The following ILRUN variants were observed in gnomAD, a reference collection of about 807,000 sequenced individuals.
ILRUN encodes the protein inflammation and lipid regulator with UBA-like and NBR1-like domains.
ILRUN carries 3 observed loss-of-function variants against 33.8 expected under a neutral mutation model. The observed-to-expected ratio is 0.09, with a 90% confidence interval of 0.04 to 0.23. The LOEUF is 0.23. Among genes scored for constraint, ILRUN ranks in the 10% least tolerant of loss-of-function variants. ILRUN has a pLI of 1.00. For synonymous variants in ILRUN, 124 were observed against 138.9 expected, an observed-to-expected ratio of 0.89 and a Z score of 0.75; for missense variants, 210 against 375.1, an observed-to-expected ratio of 0.56 and a Z score of 3.64.
At chr6:34,688,909 C>A (rs1763586478) in intron 1 of ILRUN, among the ~76,000 whole-genome samples, 1 of 152,036 alleles carries the variant, frequency 6.6e-6, no homozygotes, top group Non-Finnish European at 1.5e-5. Flanking sequence ...TACAGCGAGC[C>A]AAGATCACGT....
At chr6:34,651,724 C>T (rs1318204017) in intron 2 of ILRUN, among the ~76,000 whole-genome samples, 2 of 131,178 alleles carry the variant, frequency 1.5e-5, no homozygotes, top group Non-Finnish European at 3.1e-5. Context: ...TCCAAACAAA[C>T]CTCATTTATT....
At chr6:34,596,249 T>C (rs1046710040) in intron 4 of ILRUN, among the ~76,000 whole-genome samples, 6 of 152,210 alleles carry the variant, frequency 3.9e-5, no homozygotes, top group Non-Finnish European at 5.9e-5. Flanking sequence ...CCCGTCAGCA[T>C]GAGAGAAGGA....
intron 4 of ILRUN, among the ~76,000 whole-genome samples, chr6:34,594,495 T>TA (rs1561994354): frequency 6.6e-6 from 1 of 152,218 alleles, no homozygotes; most frequent in Non-Finnish European, 1.5e-5. Flanking sequence ...ATACACCACT[T>TA]ACACAGAAAT....
intron 2 of ILRUN, among the ~76,000 whole-genome samples, chr6:34,647,467 C>A (rs1022921855): frequency 6.6e-6 from 1 of 152,108 alleles, no homozygotes; most frequent in Non-Finnish European, 1.5e-5. Context: ...GTCGCAGGAA[C>A]AATGGCACTA....
chr6:34,636,178 T>G (rs891306990), intron 3 of ILRUN, among the ~76,000 whole-genome samples: 2 of 151,572 alleles, frequency 1.3e-5, no homozygotes, highest in East Asian at 1.9e-4. Flanking sequence ...AGCCCAAGAG[T>G]TCAAGGCTAC....
intron 3 of ILRUN, among the ~76,000 whole-genome samples, chr6:34,641,286 C>G (rs1253122281): frequency 1.3e-5 from 2 of 152,094 alleles, no homozygotes; most frequent in Non-Finnish European, 2.9e-5. Flanking sequence ...GCCGAGTGAG[C>G]CAATCATGGT....
At chr6:34,607,060 T>C (rs531617522) in intron 3 of ILRUN, among the ~76,000 whole-genome samples, 156 bp from the exon 4 acceptor site, 2 of 152,342 alleles carry the variant, frequency 1.3e-5, no homozygotes, top group African/African-American at 4.8e-5. Context: ...CCTGGTACAT[T>C]TGCATTGCAT....
intron 4 of ILRUN, chr6:34,595,821 T>C (rs370972418): frequency 3.7e-5 from 36 of 985,338 alleles, no homozygotes; most frequent in African/African-American, 3.3e-4. Context: ...AGAAATAATA[T>C]GCTCTCTTGG....
chr6:34,620,973 A>G (rs939117373), intron 3 of ILRUN, among the ~76,000 whole-genome samples: 8 of 152,218 alleles, frequency 5.3e-5, no homozygotes, highest in Admixed American at 4.6e-4. Flanking sequence ...AAAATCCATA[A>G]CACTACTTTA....
chr6:34,594,333 G>C (rs1399449257), intron 4 of ILRUN, among the ~76,000 whole-genome samples: 2 of 152,172 alleles, frequency 1.3e-5, no homozygotes, highest in East Asian at 3.9e-4. Flanking sequence ...GCTTGATGCA[G>C]AAAGCCACTC....
Position 34,633,874 on chromosome 6 carries a change from AGG to A in ILRUN, c.511+12725_511+12726del, listed in dbSNP as rs1491504171. Among the ~76,000 whole-genome samples the A allele has an allele frequency of 3.0e-3, 197 of 66,328 alleles. 2 individuals are homozygous for A. Among genetic ancestry groups the A allele is most frequent in the African/African-American group, 0.013 (165 of 12,250 alleles). The allele number at this position is 66,328 out of a possible 152,430, so 43.5% of individuals were successfully genotyped here. A position where few individuals can be genotyped will look rare whatever the true frequency, so the allele number is the denominator to read the frequency against. On this transcript the variant is annotated intron_variant, in intron 3 of 4. Transcript: ENST00000374023. ...AGGAGGGGAGGGGAGGGAGACATGG[AGG>A]GAGAGAGGGAGGGAGGGAGGGAGGG...
intron 3 of ILRUN, among the ~76,000 whole-genome samples, chr6:34,643,686 A>C (rs1282662600): frequency 1.3e-5 from 2 of 152,140 alleles, no homozygotes; most frequent in East Asian, 3.8e-4. Context: ...TGAGAAATAA[A>C]ATTTATATAT....
At chr6:34,682,289 G>C (rs1249784888) in intron 1 of ILRUN, among the ~76,000 whole-genome samples, 2 of 105,958 alleles carry the variant, frequency 1.9e-5, no homozygotes, top group East Asian at 5.6e-4. Context: ...AGACAGTCTC[G>C]CTCTGTCGCC....
intron 3 of ILRUN, among the ~76,000 whole-genome samples, chr6:34,630,510 A>G (rs1395737765): frequency 1.3e-5 from 2 of 152,084 alleles, no homozygotes; most frequent in Non-Finnish European, 2.9e-5. Context: ...CAGCCTCCCG[A>G]GTAGCTGGGT....
At chr6:34,659,021 G>A (rs1178821509) in intron 1 of ILRUN, among the ~76,000 whole-genome samples, 3 of 152,218 alleles carry the variant, frequency 2.0e-5, no homozygotes, top group Non-Finnish European at 4.4e-5. Flanking sequence ...TTTAATGAAC[G>A]AGCATTTACC....
At chr6:34,609,842 T>G (rs941457242) in intron 3 of ILRUN, among the ~76,000 whole-genome samples, 3 of 152,144 alleles carry the variant, frequency 2.0e-5, no homozygotes, top group African/African-American at 4.8e-5. Context: ...GGAATGTACA[T>G]TCATTCCAGA....
chr6:34,590,675 T>C, intron 4 of ILRUN, 75 bp from the exon 5 acceptor site: 1 of 1,100,446 alleles, frequency 9.1e-7, no homozygotes, highest in Non-Finnish European at 1.4e-6. Context: ...GTGCAAGATC[T>C]ATGGTTCCCA....
chr6:34,591,499 A>ATT lies in ILRUN; in HGVS notation c.862-901_862-900dup, dbSNP rs545549009. On this transcript the variant is annotated intron_variant, in intron 4 of 4. Transcript: ENST00000374023. ...GGCAACAGAGCGAAATCCTGTCTCA[A>ATT]TTTTTTTTTTTTTTTTTGGAGATGG... Among the ~76,000 whole-genome samples, 866 of 139,388 alleles carry ATT rather than the reference A, an allele frequency of 6.2e-3. 11 individuals are homozygous for ATT. The highest frequency in any genetic ancestry group is 0.019 in the African/African-American group (700 of 37,540). The allele number at this position is 139,388 out of a possible 152,430, so 91.4% of individuals were successfully genotyped here.
intron 1 of ILRUN, among the ~76,000 whole-genome samples, chr6:34,662,841 C>G (rs909375598): frequency 7.2e-5 from 11 of 152,156 alleles, no homozygotes; most frequent in Admixed American, 1.3e-4. Context: ...CTTTGGGAGG[C>G]CAAGGCAGGA....
Sources: allele counts gnomAD v4.1 joint callset (sites outside exome capture counted in the v4.1 genomes callset), GRCh38; gene constraint gnomAD v4.1.1; transcripts MANE v1.5; gene names NCBI Gene and HGNC (gene_info 2026-07-23, HGNC 2026-07-21).